Variants in MCM7 observed in about 807,000 individuals in gnomAD.
MCM7 encodes DNA replication licensing factor MCM7.
Under a neutral mutation model 83.5 loss-of-function variants are expected in MCM7, and 95 were observed. The ratio of observed to expected loss-of-function variants is 1.14; its 90% CI spans 0.96 to 1.35. MCM7 has a LOEUF of 1.35. Among genes scored for constraint, MCM7 ranks in the 40% most tolerant of loss-of-function variants. The pLI, the probability that MCM7 is intolerant of heterozygous loss-of-function variation, is 0.00. For synonymous variants in MCM7, 461 were observed against 352.7 expected, an observed-to-expected ratio of 1.31 and a Z score of -3.44; for missense variants, 1,087 against 957.4, an observed-to-expected ratio of 1.14 and a Z score of -1.79.
chr7:100,098,110 G>GT, intron 7 of MCM7, 31 bp downstream of exon 7: 1 of 1,611,088 alleles, frequency 6.2e-7, no homozygotes, highest in South Asian at 1.1e-5. Context: ...AAAAGGGGAT[G>GT]ATCCATTCCT....
rs1230464051 is a variant in MCM7, at chr7:100,098,046, T to G, written c.870+95A>C. On this transcript the variant is annotated intron_variant, in intron 7 of 14. Transcript: ENST00000303887. ...CTTGACAAATCCCTGGGTTCTGTTT[T>G]GTTTGGGGTTTTGCTGCTCTTTTCT... 11 of 1,581,290 alleles carry G rather than the reference T, an allele frequency of 7.0e-6. No homozygotes were observed. In the African/African-American group the frequency reaches 1.3e-4, roughly 19 times the overall value.
intron 13 of MCM7, chr7:100,093,918 C>CA (rs1795469903): frequency 1.4e-6 from 1 of 695,646 alleles, no homozygotes; most frequent in Admixed American, 2.0e-5. Flanking sequence ...TGGAGTGAAA[C>CA]AGACCCCAAC....
chr7:100,092,805 G>A lies in MCM7; in HGVS notation c.*127C>T, dbSNP rs567616350. ...TGACAATCTACAAACACTTTTATTA[G>A]CAAAAGGAGTAAGTGCAGCATGGGA... On this transcript the variant is annotated 3_prime_UTR_variant, in exon 15 of 15. Transcript: ENST00000303887. The A allele has an allele frequency of 4.2e-6, 4 of 950,054 alleles. No homozygotes were observed. The highest frequency in any genetic ancestry group is 4.8e-6 in the Non-Finnish European group (3 of 624,472). 58.9% of individuals were successfully genotyped at this position (950,054 alleles called of 1,614,324 possible). A position where few individuals can be genotyped will look rare whatever the true frequency, so the allele number is the denominator to read the frequency against.
intron 5 of MCM7, 75 bp downstream of exon 5, chr7:100,098,948 G>A: frequency 7.6e-6 from 12 of 1,572,554 alleles, no homozygotes; most frequent in Non-Finnish European, 1.0e-5. Context: ...AAAACAATAG[G>A]CATCACAGGA....
intron 10 of MCM7, 78 bp downstream of exon 10, chr7:100,097,223 A>G (rs1000637019): frequency 1.5e-6 from 2 of 1,298,486 alleles, no homozygotes; most frequent in African/African-American, 1.5e-5. Flanking sequence ...GTGAGCAAAC[A>G]TGCACCCCTA....
chr7:100,094,573 C>T (rs576741488), intron 12 of MCM7, among the ~76,000 whole-genome samples: 22 of 152,120 alleles, frequency 1.4e-4, no homozygotes, highest in Admixed American at 9.8e-4. Context: ...CTATTTTTTT[C>T]GGGAAAATGG....
chr7:100,093,734 C>G, intron 13 of MCM7: 1 of 639,414 alleles, frequency 1.6e-6, no homozygotes, highest in East Asian at 3.5e-5. Flanking sequence ...TTGGGGAGCT[C>G]AGCCAAGAAG....
Position 100,097,800 on chromosome 7 carries a change from A to C in MCM7, c.985+34T>G, listed in dbSNP as rs751101848. The C allele has an allele frequency of 1.9e-6, 3 of 1,613,910 alleles. No individual in the cohort carries two copies. The African/African-American group carries it at 4.0e-5, about 22-fold the overall frequency. ...CTGGGGGAAAAGGGAGCTAGGATGTAAACGGAATTTCCTCTCTCTCCCCTG... is the reference window on the plus strand; with the variant it reads ...CTGGGGGAAAAGGGAGCTAGGATGTCAACGGAATTTCCTCTCTCTCCCCTG... On this transcript the variant is annotated intron_variant, in intron 8 of 14. Coordinates refer to ENST00000303887, the MANE Select transcript of MCM7 (RefSeq NM_005916.5).
chr7:100,094,444 C>T lies in MCM7; in HGVS notation c.1680-103G>A, dbSNP rs1181908459. On this transcript the variant is annotated intron_variant, in intron 12 of 14. Coordinates refer to ENST00000303887, the MANE Select transcript of MCM7 (RefSeq NM_005916.5). ...ACCAGGGCTCCCCATTTAACATGGT[C>T]CCCTCCAAGAATTTTAAGTGGAAAA... The T allele has an allele frequency of 7.5e-6, 10 of 1,334,558 alleles. No homozygotes were observed. The African/African-American group carries it at 8.8e-5, about 12-fold the overall frequency. 82.7% of individuals were successfully genotyped at this position (1,334,558 alleles called of 1,614,324 possible).
In MCM7 at chr7:100,098,264, G is replaced by A. The variant is rs764173191; in HGVS notation, c.747C>T (p.Ile249=). Residue 249 remains isoleucine, a synonymous_variant, in exon 7 of 15, where the codon ATC becomes ATT. Transcript: ENST00000303887. Reference sequence around the variant, plus strand: ...CTACCAGCACCGTGATACTACGAGGGATATTTCCCACAGGCACCTGATCAC... The same window carrying A: ...CTACCAGCACCGTGATACTACGAGGAATATTTCCCACAGGCACCTGATCAC... ...EHSDQVPVGN[I]PRSITVLVEG... 4.3e-6 allele frequency: 7 copies of A among 1,614,124 alleles called. No individual in the cohort carries two copies. The highest frequency in any genetic ancestry group is 5.9e-6 in the Non-Finnish European group (7 of 1,180,024).
intron 9 of MCM7, 50 bp from the exon 10 acceptor site, chr7:100,097,434 CCAA>C (rs780410762): frequency 2.2e-5 from 36 of 1,601,684 alleles, no homozygotes; most frequent in African/African-American, 8.0e-5. Context: ...CAGTGCTTGG[CCAA>C]CAACAGAGCA....
At position 100,098,159 on chromosome 7, in the gene MCM7, C is replaced by G; in HGVS notation, c.852G>C (p.Gly284=). 1.2e-6 allele frequency: 2 copies of G among 1,614,078 alleles called. No homozygotes were observed. Among genetic ancestry groups the G allele is most frequent in the South Asian group, 1.1e-5 (1 of 91,064 alleles). Residue 284 remains glycine, a synonymous_variant, in exon 7 of 15, where the codon GGG becomes GGC. Coordinates refer to ENST00000303887, the MANE Select transcript of MCM7 (RefSeq NM_005916.5). ...TCCTTACCTGTACCACCTGTCGGAA[C>G]CCAGTGCGCAGGATTGGCAAGAAAA... ...TGIFLPILRT[G]FRQVVQGLLS... is the part of the protein sequence containing the mutation.
At chr7:100,100,158 G>C (rs985708726) in intron 1 of MCM7, 65 bp from the exon 2 acceptor site, 21 of 1,587,560 alleles carry the variant, frequency 1.3e-5, no homozygotes, top group Non-Finnish European at 1.8e-5. Context: ...ACCCATTTTC[G>C]CTTAAAACAC....
intron 14 of MCM7, 54 bp from the exon 15 acceptor site, chr7:100,093,187 A>G: frequency 6.2e-7 from 1 of 1,602,768 alleles, no homozygotes; most frequent in Non-Finnish European, 8.5e-7. Context: ...AATGCTCGAC[A>G]TCAACAGAGA....
At chr7:100,099,986 C>T in intron 2 of MCM7, 28 bp downstream of exon 2, 1 of 1,596,504 alleles carries the variant, frequency 6.3e-7, no homozygotes, top group Non-Finnish European at 8.6e-7. Flanking sequence ...CCCCGCTCCC[C>T]ATTCCCTTTA....
Position 100,098,249 on chromosome 7 carries a change from C to T in MCM7, c.762G>A (p.Thr254=), listed in dbSNP as rs1041917135. 14 of 1,614,000 alleles carry T rather than the reference C, an allele frequency of 8.7e-6. No homozygotes were observed. The highest frequency in any genetic ancestry group is 6.7e-5 in the African/African-American group (5 of 74,916). Residue 254 remains threonine, a synonymous_variant, in exon 7 of 15, where the codon ACG becomes ACA. Transcript: ENST00000303887. The part of the protein sequence containing the change: ...VPVGNIPRSI[T]VLVEGENTRI... ...TTGTGTTCTCTCCTTCTACCAGCAC[C>T]GTGATACTACGAGGGATATTTCCCA...
At chr7:100,095,499 C>T (rs1795577427) in intron 11 of MCM7, 29 bp from the exon 12 acceptor site, 1 of 1,604,998 alleles carries the variant, frequency 6.2e-7, no homozygotes, top group Non-Finnish European at 8.5e-7. Flanking sequence ...AGAAGGAACA[C>T]CCTTTTTAGG....
At chr7:100,094,796 A>G (rs554753912) in intron 12 of MCM7, among the ~76,000 whole-genome samples, 1 of 152,300 alleles carries the variant, frequency 6.6e-6, no homozygotes, top group Non-Finnish European at 1.5e-5. Context: ...TAAACTTTAA[A>G]TTTTGGAGTA....
At chr7:100,096,242 C>T in intron 10 of MCM7, 75 bp from the exon 11 acceptor site, 1 of 1,446,554 alleles carries the variant, frequency 6.9e-7, no homozygotes, top group Non-Finnish European at 9.2e-7. Context: ...ACAAACGGGC[C>T]AGGGAGGCGA....
Sources: allele counts gnomAD v4.1 joint callset (sites outside exome capture counted in the v4.1 genomes callset), GRCh38; gene constraint gnomAD v4.1.1; transcripts MANE v1.5; gene names NCBI Gene and HGNC (gene_info 2026-07-23, HGNC 2026-07-21).